The following NAXD variants were observed in gnomAD, a reference collection of about 807,000 sequenced individuals.
The protein encoded by NAXD is NAD(P)HX dehydratase, also known as ATP-dependent (S)-NAD(P)H-hydrate dehydratase.
A neutral mutation model predicts 35.8 loss-of-function variants in NAXD; 22 were observed. That is an observed-to-expected ratio of 0.62 (90% confidence interval 0.44 to 0.88). The LOEUF (loss-of-function observed/expected upper bound fraction) is 0.88. Ranked by LOEUF, NAXD falls within the 40% of genes least tolerant of loss-of-function variation. The pLI, the probability that NAXD is intolerant of heterozygous loss-of-function variation, is 0.00. For synonymous variants in NAXD, 189 were observed against 177.6 expected (o/e 1.06, Z -0.51); for missense variants, 428 against 437.7 (o/e 0.98, Z 0.20).
upstream of NAXD, chr13:110,615,501 C>A: frequency 8.5e-7 from 1 of 1,174,216 alleles, no homozygotes; most frequent in African/African-American, 1.6e-5. Flanking sequence ...GATCCCACTG[C>A]CGACAGCCGC....
chr13:110,632,468 C>T (rs938679675), intron 5 of NAXD, among the ~76,000 whole-genome samples: 1 of 152,196 alleles, frequency 6.6e-6, no homozygotes, highest in African/African-American at 2.4e-5. Flanking sequence ...CGGCCCCGCC[C>T]ACATCCTGCT....
chr13:110,622,474 A>C (rs1886306983), intron 2 of NAXD, 108 bp downstream of exon 2: 1 of 1,088,042 alleles, frequency 9.2e-7, no homozygotes, highest in South Asian at 1.5e-5. Flanking sequence ...TCATTTCCAA[A>C]TGCAGCCTGA....
At chr13:110,623,859 G>A (rs1218732990) in intron 2 of NAXD, among the ~76,000 whole-genome samples, 2 of 152,062 alleles carry the variant, frequency 1.3e-5, no homozygotes, top group African/African-American at 4.8e-5. Context: ...AAAATTAGCC[G>A]GGTGTGGTGG....
chr13:110,637,003 G>A (rs1886949580), intron 8 of NAXD, 126 bp from the exon 9 acceptor site: 1 of 1,097,214 alleles, frequency 9.1e-7, no homozygotes, highest in East Asian at 2.7e-5. Context: ...CAGGATGTGA[G>A]TGGAGCCTCA....
intron 1 of NAXD, among the ~76,000 whole-genome samples, chr13:110,618,647 A>G (rs1187493751): frequency 2.0e-5 from 3 of 152,122 alleles, no homozygotes; most frequent in Admixed American, 2.0e-4. Flanking sequence ...CCTTATTCGT[A>G]TATTGTATTC....
chr13:110,634,151 G>A (rs906564855), intron 5 of NAXD, among the ~76,000 whole-genome samples: 1 of 152,114 alleles, frequency 6.6e-6, no homozygotes, highest in Non-Finnish European at 1.5e-5. Context: ...TCCATTTATT[G>A]TTTGATGGCC....
intron 2 of NAXD, among the ~76,000 whole-genome samples, 196 bp downstream of exon 2, chr13:110,622,562 T>C (rs926749811): frequency 5.3e-5 from 8 of 152,226 alleles, no homozygotes; most frequent in Admixed American, 6.5e-5. Context: ...ACTGAATTAC[T>C]CCCTCATGTG....
chr13:110,638,315 AGCTGCGGCCCCCG>A lies in NAXD; in HGVS notation c.840-61_840-49del. On this transcript the variant is annotated intron_variant, in intron 9 of 9. Transcript: ENST00000680254. The surrounding 1 kb of genome is among the most constrained non-coding windows in gnomAD (Gnocchi z 5.4). ...AGGAGTCAAAACCAGAGCCCAGGGTAGCTGCGGCCCCCGGACCACGACGCCCACTTCCCCACAC... is the reference window on the plus strand; with the variant it reads ...AGGAGTCAAAACCAGAGCCCAGGGTAGACCACGACGCCCACTTCCCCACAC... 1 of 1,612,374 alleles carries A rather than the reference AGCTGCGGCCCCCG, an allele frequency of 6.2e-7. No individual in the cohort carries two copies. Among genetic ancestry groups the A allele is most frequent in the Non-Finnish European group, 8.5e-7 (1 of 1,179,252 alleles).
At chr13:110,616,447 G>A (rs1400919956) in intron 1 of NAXD, 3 of 152,420 alleles carry the variant, frequency 2.0e-5, no homozygotes. Context: ...GAGGTCCCTT[G>A]GGGAGGGAGG....
At chr13:110,635,299 C>T (rs1409011516) in intron 7 of NAXD, among the ~76,000 whole-genome samples, 169 bp from the exon 8 acceptor site, 1 of 152,364 alleles carries the variant, frequency 6.6e-6, no homozygotes, top group South Asian at 2.1e-4. Context: ...GGAGGACTCA[C>T]TGCAGGTGAT....
In NAXD at chr13:110,622,228, C is replaced by T. The variant is rs769659074; in HGVS notation, c.59C>T (p.Ala20Val). The T allele has an allele frequency of 1.5e-5, 24 of 1,611,908 alleles. No homozygotes were observed. Among genetic ancestry groups the T allele is most frequent in the African/African-American group, 2.7e-5 (2 of 74,844 alleles). ...IRACRRVLER[A>V]FSLRKAHSIK... ...TCTTGTCTTTCAGTTTTAGAAAGAG[C>T]GTTTTCGCTACGTAAAGCACATTCG... Residue 20 changes from alanine (A) to valine (V), a missense_variant, in exon 2 of 10, where the codon GCG becomes GTG. Ala to Val is a moderately conservative substitution (Grantham distance 64). Transcript: ENST00000680254.
At chr13:110,619,893 G>A (rs756012842) in intron 1 of NAXD, among the ~76,000 whole-genome samples, 13 of 152,096 alleles carry the variant, frequency 8.5e-5, no homozygotes, top group Non-Finnish European at 1.8e-4. Context: ...CCACCTTCTG[G>A]GTTCAAACAG....
chr13:110,625,136 T>C, intron 3 of NAXD, 54 bp from the exon 4 acceptor site: 2 of 1,323,114 alleles, frequency 1.5e-6, no homozygotes, highest in South Asian at 1.2e-5. Flanking sequence ...GTCTGGCGGG[T>C]GGGCAGCGAT....
Position 110,638,335 on chromosome 13 carries a change from G to A in NAXD, c.840-43G>A, listed in dbSNP as rs1163230711. On this transcript the variant is annotated intron_variant, in intron 9 of 9. Transcript: ENST00000680254. This position sits in a 1 kb window ranked among gnomAD's most constrained non-coding sequence, Gnocchi z 5.4. ...AGGGTAGCTGCGGCCCCCGGACCAC[G>A]ACGCCCACTTCCCCACACCTCCTGC... The A allele has an allele frequency of 4.3e-6, 7 of 1,613,458 alleles. No homozygotes were observed. The highest frequency in any genetic ancestry group is 5.1e-6 in the Non-Finnish European group (6 of 1,179,842).
Position 110,635,458 on chromosome 13 carries a change from G to GT in NAXD, c.598-8dup, listed in dbSNP as rs769175014. The GT allele has an allele frequency of 1.2e-6, 2 of 1,612,280 alleles. No homozygotes were observed. Among genetic ancestry groups the GT allele is most frequent in the Non-Finnish European group, 1.7e-6 (2 of 1,178,646 alleles). On this transcript the variant is annotated splice_polypyrimidine_tract_variant and intron_variant, in intron 7 of 9. Transcript: ENST00000680254. ...CTTTGCTTTTTCTCTGTCTTCCTGT[G>GT]TTGTCATAGCTCAGAGGCCCTATGG...
chr13:110,620,083 G>A (rs1473888135), intron 1 of NAXD, among the ~76,000 whole-genome samples: 23 of 151,988 alleles, frequency 1.5e-4, no homozygotes, highest in Non-Finnish European at 1.0e-4. Context: ...ACAGCGGGGA[G>A]CCACTGCGCC....
chr13:110,637,364 T>C (rs1429698231), intron 9 of NAXD, 115 bp downstream of exon 9: 3 of 1,253,272 alleles, frequency 2.4e-6, no homozygotes, highest in Non-Finnish European at 3.4e-6. Context: ...AACTCTAGGC[T>C]TCACTGGAGA....
rs1412023099 is a variant in NAXD, at chr13:110,618,116, A to G, written c.46+2469A>G. On this transcript the variant is annotated intron_variant, in intron 1 of 9. Coordinates refer to ENST00000680254, the MANE Select transcript of NAXD (RefSeq NM_001242882.2). ...AGGTTTCAGAACCCCACATGTAATA[A>G]TAGTTACTTTTGGTATCACTTTGAA... 2.0e-5 allele frequency among the ~76,000 whole-genome samples: 3 copies of G among 152,312 alleles called. No homozygotes were observed. The East Asian group carries it at 5.8e-4, about 29-fold the overall frequency.
Position 110,628,197 on chromosome 13 carries a change from G to A in NAXD, c.441+650G>A, listed in dbSNP as rs527649023. The stretch of plus-strand genomic sequence containing the variant: ...TGGCTGCCAGCTCTGTGTTCCCTGC[G>A]TCCTCTGACGCTCCCTGGGCTGGTG... On this transcript the variant is annotated intron_variant, in intron 5 of 9. Transcript: ENST00000680254. This position sits in a 1 kb window ranked among gnomAD's most constrained non-coding sequence, Gnocchi z 4.1. 1.3e-5 allele frequency among the ~76,000 whole-genome samples: 2 copies of A among 152,206 alleles called. No individual in the cohort carries two copies. The highest frequency in any genetic ancestry group is 2.1e-4 in the South Asian group (1 of 4,826).
Sources: gnomAD v4.1 joint callset for allele counts (sites outside exome capture counted in the v4.1 genomes callset) on GRCh38, gnomAD v4.1.1 for gene constraint, Gnocchi (gnomAD v3.1) non-coding constraint, MANE v1.5 for transcripts, NCBI Gene and HGNC (gene_info 2026-07-23, HGNC 2026-07-21) for gene names.